CELF2: variants seen among roughly 807,000 people sequenced by gnomAD.
The protein encoded by CELF2 is CUGBP Elav-like family member 2.
A neutral mutation model predicts 62.6 loss-of-function variants in CELF2; 8 were observed. That is an observed-to-expected ratio of 0.13 (90% confidence interval 0.07 to 0.23). The LOEUF is 0.23. CELF2 is among the 10% of genes least tolerant of loss of function. CELF2 has a pLI of 1.00. For missense variants in CELF2, 333 were observed against 671.0 expected (o/e 0.50, Z 5.56); for synonymous variants, 258 against 250.0 (o/e 1.03, Z -0.30).
chr10:10,492,764 A>G, the CELF2 span, among the ~76,000 whole-genome samples: 2 of 152,196 alleles, frequency 1.3e-5, no homozygotes, highest in African/African-American at 4.8e-5. Context: ...TTTCATCTTG[A>G]ATTGTAGCTC....
the CELF2 span, among the ~76,000 whole-genome samples, chr10:10,765,607 G>A: frequency 3.7e-3 from 560 of 152,266 alleles, 4 homozygotes; most frequent in African/African-American, 0.013. Flanking sequence ...CAAAGTGGTG[G>A]CCAGCCTTAG....
chr10:11,280,377 C>T lies in CELF2; in HGVS notation c.841+5257C>T, dbSNP rs2087936919. Among the ~76,000 whole-genome samples the T allele has an allele frequency of 1.3e-5, 2 of 152,216 alleles. No homozygotes were observed. Among genetic ancestry groups the T allele is most frequent in the South Asian group, 2.1e-4 (1 of 4,832 alleles). ...GGGAACCTCTGTCCTCACCCAGATG[C>T]CCTGGCTGGTGTCCGCACATCAGGC... On this transcript the variant is annotated intron_variant, in intron 8 of 12. Transcript: ENST00000633077. The surrounding 1 kb of genome is among the most constrained non-coding windows in gnomAD (Gnocchi z 7.6).
intron 2 of CELF2, among the ~76,000 whole-genome samples, chr10:11,185,414 G>A (rs1171478645): frequency 6.6e-6 from 1 of 151,900 alleles, no homozygotes; most frequent in Admixed American, 6.6e-5. Context: ...TGATCCCCCC[G>A]CTGCACCCAC....
intron 1 of CELF2, among the ~76,000 whole-genome samples, chr10:11,077,429 G>A (rs1475421041): frequency 6.6e-6 from 1 of 152,180 alleles, no homozygotes; most frequent in Non-Finnish European, 1.5e-5. Context: ...GGCATTGTAA[G>A]GCTTTTATAA....
chr10:10,544,098 A>T, the CELF2 span, among the ~76,000 whole-genome samples: 1 of 152,252 alleles, frequency 6.6e-6, no homozygotes, highest in Non-Finnish European at 1.5e-5. Flanking sequence ...GGATGCCAGC[A>T]TTCCACCTAT....
intron 1 of CELF2, among the ~76,000 whole-genome samples, chr10:10,830,456 C>T (rs567682223): frequency 1.8e-4 from 27 of 152,200 alleles, no homozygotes; most frequent in African/African-American, 6.5e-4. Context: ...TAACATAGTT[C>T]GTATAATATG....
Position 11,316,491 on chromosome 10 carries a change from C to G in CELF2, c.1096+2233C>G, listed in dbSNP as rs965389547. Among the ~76,000 whole-genome samples the G allele has an allele frequency of 3.9e-5, 6 of 152,204 alleles. No homozygotes were observed. The highest frequency in any genetic ancestry group is 1.4e-4 in the African/African-American group (6 of 41,444). Reference sequence around the variant, plus strand: ...TATCTTCTTTCAGACCATTCCTTCTCAACAGAGATGATTATGCTACCAGTT... The same window carrying G: ...TATCTTCTTTCAGACCATTCCTTCTGAACAGAGATGATTATGCTACCAGTT... On this transcript the variant is annotated intron_variant, in intron 10 of 12. Transcript: ENST00000633077. This position sits in a 1 kb window ranked among gnomAD's most constrained non-coding sequence, Gnocchi z 4.4.
the CELF2 span, among the ~76,000 whole-genome samples, chr10:10,502,193 T>C: frequency 1.3e-5 from 2 of 149,498 alleles, no homozygotes; most frequent in East Asian, 1.9e-4. Context: ...GTGTCTGTTT[T>C]CCTGAGGGAT....
intron 2 of CELF2, among the ~76,000 whole-genome samples, chr10:10,981,355 G>T (rs1230733769): frequency 6.6e-6 from 1 of 152,154 alleles, no homozygotes; most frequent in Non-Finnish European, 1.5e-5. Context: ...AGACCCTATT[G>T]ATGCTGCATT....
intron 3 of CELF2, among the ~76,000 whole-genome samples, chr10:11,226,600 C>CCACACAAACACACACACACACACACACA (rs1298908039): frequency 2.0e-3 from 51 of 25,960 alleles, no homozygotes; most frequent in African/African-American, 2.9e-3. Context: ...CAGGCAGTGG[C>CCACACAAACACACACACACACACACACA]CACACACACA....
intron 1 of CELF2, among the ~76,000 whole-genome samples, chr10:11,057,762 G>A (rs1029659855): frequency 6.6e-6 from 1 of 152,088 alleles, no homozygotes; most frequent in Non-Finnish European, 1.5e-5. Flanking sequence ...AATGTTTTTG[G>A]TTAACAGCCT....
chr10:11,278,844 C>T (rs2087146206), intron 8 of CELF2, among the ~76,000 whole-genome samples: 1 of 152,172 alleles, frequency 6.6e-6, no homozygotes, highest in Non-Finnish European at 1.5e-5. Flanking sequence ...TAAGTTAGCC[C>T]ACCGCATGGC....
At chr10:11,167,640 A>G (rs181130019) in intron 2 of CELF2, among the ~76,000 whole-genome samples, 219 of 152,286 alleles carry the variant, frequency 1.4e-3, no homozygotes, top group Non-Finnish European at 2.5e-3. Flanking sequence ...TTACCAGCCT[A>G]TATTTGATAC....
At chr10:10,631,043 C>T in the CELF2 span, among the ~76,000 whole-genome samples, 3 of 152,072 alleles carry the variant, frequency 2.0e-5, no homozygotes, top group African/African-American at 4.8e-5. Context: ...AACTATAGTG[C>T]GACGTTAAAA....
At chr10:10,714,812 A>G in the CELF2 span, among the ~76,000 whole-genome samples, 1 of 152,198 alleles carries the variant, frequency 6.6e-6, no homozygotes, top group East Asian at 1.9e-4. Flanking sequence ...CTAAGTTCTA[A>G]GAATGTATCC....
At position 11,017,902 on chromosome 10, in the gene CELF2, G is replaced by A; in HGVS notation, c.-188G>A. ...CGCCCGCCGCACCTGGCGCTCGGCA[G>A]CCGGCCGCCCCGGCGCTGGATTTCG... On this transcript the variant is annotated 5_prime_UTR_variant, in exon 1 of 13. Coordinates refer to ENST00000633077, the MANE Select transcript of CELF2 (RefSeq NM_001326342.2). This position sits in a 1 kb window ranked among gnomAD's most constrained non-coding sequence, Gnocchi z 5.5. The A allele has an allele frequency of 1.0e-6, 1 of 973,584 alleles. No homozygotes were observed. The allele number at this position is 973,584 out of a possible 1,614,324, so 60.3% of individuals were successfully genotyped here. A position where few individuals can be genotyped will look rare whatever the true frequency, so the allele number is the denominator to read the frequency against.
At chr10:11,278,688 C>A (rs1234346785) in intron 8 of CELF2, among the ~76,000 whole-genome samples, 2 of 152,160 alleles carry the variant, frequency 1.3e-5, no homozygotes, top group Admixed American at 6.5e-5. Context: ...GACGTGACTA[C>A]CACTTTGTTA....
Position 11,278,239 on chromosome 10 carries a change from T to G in CELF2, c.841+3119T>G, listed in dbSNP as rs574674520. 4.6e-5 allele frequency among the ~76,000 whole-genome samples: 7 copies of G among 152,342 alleles called. 1 individual carries two copies. The highest frequency in any genetic ancestry group is 1.7e-4 in the African/African-American group (7 of 41,578). Reference sequence around the variant, plus strand: ...TTTTCCCTTCAAACTAAAAATAACTTCAAGTGTGCTTTATGGTTTTTATCC... The same window carrying G: ...TTTTCCCTTCAAACTAAAAATAACTGCAAGTGTGCTTTATGGTTTTTATCC... On this transcript the variant is annotated intron_variant, in intron 8 of 12. Coordinates refer to ENST00000633077, the MANE Select transcript of CELF2 (RefSeq NM_001326342.2).
intron 1 of CELF2, among the ~76,000 whole-genome samples, chr10:11,141,382 G>T (rs1461942026): frequency 6.6e-6 from 1 of 152,226 alleles, no homozygotes; most frequent in African/African-American, 2.4e-5. Flanking sequence ...CAGGAGCAGA[G>T]ACTCGGAGGG....
Sources: gnomAD v4.1 joint callset for allele counts (sites outside exome capture counted in the v4.1 genomes callset) on GRCh38, gnomAD v4.1.1 for gene constraint, Gnocchi (gnomAD v3.1) non-coding constraint, MANE v1.5 for transcripts, NCBI Gene and HGNC (gene_info 2026-07-23, HGNC 2026-07-21) for gene names.